Variants in CADM2 observed in about 807,000 individuals in gnomAD.
CADM2 encodes immunoglobulin superfamily member 4D.
A neutral mutation model predicts 49.8 loss-of-function variants in CADM2; 12 were observed. The ratio of observed to expected loss-of-function variants is 0.24; its 90% CI spans 0.15 to 0.39. The LOEUF is 0.39. Among genes scored for constraint, CADM2 ranks in the 10% least tolerant of loss-of-function variants. The pLI, the probability that CADM2 is intolerant of heterozygous loss-of-function variation, is 1.00. For missense variants in CADM2, 378 were observed against 492.3 expected (o/e 0.77, Z 2.20); for synonymous variants, 214 against 175.4 (o/e 1.22, Z -1.74).
intron 8 of CADM2, among the ~76,000 whole-genome samples, chr3:85,998,930 A>C (rs372026609): frequency 3.3e-5 from 5 of 152,154 alleles, no homozygotes; most frequent in Non-Finnish European, 5.9e-5. Flanking sequence ...AAAGAATGAG[A>C]GATACCAAAG....
At chr3:85,139,656 T>C (rs185588578) in intron 1 of CADM2, among the ~76,000 whole-genome samples, 1 of 152,154 alleles carries the variant, frequency 6.6e-6, no homozygotes, top group Non-Finnish European at 1.5e-5. Context: ...TTAAGGAAAA[T>C]ATGAAAAAAA....
intron 1 of CADM2, among the ~76,000 whole-genome samples, chr3:85,150,974 T>A (rs2039905006): frequency 1.3e-5 from 2 of 150,944 alleles, no homozygotes; most frequent in African/African-American, 4.9e-5. Context: ...CAAAGAACCT[T>A]TATAGAATGC....
intron 1 of CADM2, among the ~76,000 whole-genome samples, chr3:85,511,468 T>C (rs2040613555): frequency 6.6e-6 from 1 of 152,096 alleles, no homozygotes; most frequent in Non-Finnish European, 1.5e-5. Flanking sequence ...GTGGATAGTA[T>C]GAATGATACT....
intron 1 of CADM2, among the ~76,000 whole-genome samples, chr3:85,257,995 T>C (rs946657231): frequency 1.3e-5 from 2 of 152,094 alleles, no homozygotes; most frequent in East Asian, 1.9e-4. Flanking sequence ...TTCAAAAATA[T>C]ACTTATTTCA....
intron 1 of CADM2, among the ~76,000 whole-genome samples, chr3:85,496,450 G>A (rs900793933): frequency 6.6e-5 from 10 of 152,098 alleles, no homozygotes; most frequent in Admixed American, 5.2e-4. Context: ...CCACTGATGC[G>A]ACCTCACTTT....
At chr3:85,958,161 G>A (rs1033049397) in intron 7 of CADM2, among the ~76,000 whole-genome samples, 1 of 151,912 alleles carries the variant, frequency 6.6e-6, no homozygotes, top group African/African-American at 2.4e-5. Context: ...CTTCTCAAAA[G>A]GAGACATTTA....
At chr3:84,983,177 G>A (rs1477359258) in intron 1 of CADM2, among the ~76,000 whole-genome samples, 1 of 152,026 alleles carries the variant, frequency 6.6e-6, no homozygotes, top group African/African-American at 2.4e-5. Flanking sequence ...ATTTTGCAAT[G>A]TATCATTTTT....
At position 85,496,955 on chromosome 3, in the gene CADM2, C is replaced by G. The variant is rs574275050; in HGVS notation, c.62-229567C>G. Among the ~76,000 whole-genome samples, 3 of 152,112 alleles carry G rather than the reference C, an allele frequency of 2.0e-5. No homozygotes were observed. The East Asian group carries it at 5.8e-4, about 29-fold the overall frequency. ...AACGCCCGGGCTCAAGGGATTCTCC[C>G]GCCTCAGCCTCCCAAGTAGCTGGGA... On this transcript the variant is annotated intron_variant, in intron 1 of 9. Transcript: ENST00000383699.
chr3:85,293,441 G>A (rs988941032), intron 1 of CADM2, among the ~76,000 whole-genome samples: 4 of 141,234 alleles, frequency 2.8e-5, no homozygotes, highest in African/African-American at 1.1e-4. Context: ...CATTTTATGA[G>A]GCCAGCATCA....
At chr3:85,258,619 C>G (rs1373717299) in intron 1 of CADM2, among the ~76,000 whole-genome samples, 1 of 151,948 alleles carries the variant, frequency 6.6e-6, no homozygotes, top group Non-Finnish European at 1.5e-5. Flanking sequence ...GAAAACGAAA[C>G]AAATGTACCG....
At chr3:85,522,178 C>A (rs1441425565) in intron 1 of CADM2, among the ~76,000 whole-genome samples, 1 of 152,058 alleles carries the variant, frequency 6.6e-6, no homozygotes, top group Admixed American at 6.5e-5. Flanking sequence ...GTATACATCA[C>A]GATATTATCC....
chr3:85,743,493 C>T (rs2068478242), intron 2 of CADM2, among the ~76,000 whole-genome samples: 1 of 152,080 alleles, frequency 6.6e-6, no homozygotes, highest in African/African-American at 2.4e-5. Flanking sequence ...CCTTTTTTCC[C>T]ATTGAAACTT....
chr3:85,036,247 C>T (rs1375163853), intron 1 of CADM2, among the ~76,000 whole-genome samples: 1 of 151,958 alleles, frequency 6.6e-6, no homozygotes, highest in Non-Finnish European at 1.5e-5. Flanking sequence ...TGCAGCATTT[C>T]TTCAAACAAT....
At chr3:85,564,533 ATC>A (rs2062198520) in intron 1 of CADM2, among the ~76,000 whole-genome samples, 1 of 152,080 alleles carries the variant, frequency 6.6e-6, no homozygotes, top group African/African-American at 2.4e-5. Flanking sequence ...GGCTAATAAA[ATC>A]TCTCTTTTAC....
intron 1 of CADM2, among the ~76,000 whole-genome samples, chr3:85,319,491 C>T (rs953453477): frequency 1.3e-5 from 2 of 152,136 alleles, no homozygotes; most frequent in African/African-American, 2.4e-5. Flanking sequence ...GACACATGCA[C>T]GTGTATATTC....
At chr3:85,857,236 G>A (rs2075351889) in intron 3 of CADM2, among the ~76,000 whole-genome samples, 1 of 152,094 alleles carries the variant, frequency 6.6e-6, no homozygotes, top group African/African-American at 2.4e-5. Context: ...TAGGAGGCTG[G>A]GATTTCAACA....
At chr3:85,292,686 A>T (rs1288878585) in intron 1 of CADM2, among the ~76,000 whole-genome samples, 7 of 151,858 alleles carry the variant, frequency 4.6e-5, no homozygotes, top group African/African-American at 1.7e-4. Flanking sequence ...CTCCTGAATG[A>T]CTACTGGGTA....
chr3:85,891,345 G>T (rs1714410232), intron 5 of CADM2, among the ~76,000 whole-genome samples: 1 of 152,164 alleles, frequency 6.6e-6, no homozygotes, highest in African/African-American at 2.4e-5. Context: ...ACAAAACCAT[G>T]AGATCTTTTC....
intron 1 of CADM2, among the ~76,000 whole-genome samples, chr3:85,710,806 T>G (rs2067094543): frequency 6.6e-6 from 1 of 152,288 alleles, no homozygotes. Flanking sequence ...CAGTTTATGC[T>G]GCAGAATAGC....
Sources: allele counts gnomAD v4.1 joint callset (sites outside exome capture counted in the v4.1 genomes callset), GRCh38; gene constraint gnomAD v4.1.1; transcripts MANE v1.5; gene names NCBI Gene and HGNC (gene_info 2026-07-23, HGNC 2026-07-21).